Variants in COG5 observed in about 807,000 individuals in gnomAD.
The protein encoded by COG5 is component of oligomeric golgi complex 5.
In COG5, 86 loss-of-function variants were observed where a neutral mutation model predicts 110.4. The ratio of observed to expected loss-of-function variants is 0.78; its 90% CI spans 0.65 to 0.93. The LOEUF (loss-of-function observed/expected upper bound fraction) is 0.93, where lower values mean the gene tolerates loss of function less well. Among genes scored for constraint, COG5 ranks in the 40% least tolerant of loss-of-function variants. The pLI, the probability that COG5 is intolerant of heterozygous loss-of-function variation, is 0.00. For missense variants in COG5, 1,077 were observed against 987.0 expected (o/e 1.09, Z -1.22); for synonymous variants, 360 against 334.6 (o/e 1.08, Z -0.83).
intron 11 of COG5, among the ~76,000 whole-genome samples, chr7:107,300,996 C>A (rs2116932744): frequency 6.6e-6 from 1 of 152,190 alleles, no homozygotes; most frequent in South Asian, 2.1e-4. Flanking sequence ...AATAGACCCA[C>A]ACATATCTGA....
chr7:107,269,909 G>C (rs777095484), intron 14 of COG5, among the ~76,000 whole-genome samples: 1 of 152,172 alleles, frequency 6.6e-6, no homozygotes, highest in African/African-American at 2.4e-5. Flanking sequence ...ACTGGGTCAC[G>C]AGGAATTCTG....
chr7:107,509,681 C>A (rs1271566505), intron 6 of COG5, among the ~76,000 whole-genome samples: 16 of 152,156 alleles, frequency 1.1e-4, no homozygotes, highest in African/African-American at 2.9e-4. Context: ...GGAAGCCCAT[C>A]AGACTAACAG....
intron 10 of COG5, among the ~76,000 whole-genome samples, chr7:107,359,472 G>A (rs1165485491): frequency 6.6e-6 from 1 of 152,112 alleles, no homozygotes; most frequent in Non-Finnish European, 1.5e-5. Context: ...GGTTGATGGT[G>A]GCAGGAGGCA....
chr7:107,474,090 C>A lies in COG5; in HGVS notation c.538+53147G>T. The A allele has an allele frequency of 6.3e-7, 1 of 1,579,048 alleles. No individual in the cohort carries two copies. The highest frequency in any genetic ancestry group is 1.2e-5 in the South Asian group (1 of 86,010). On this transcript the variant is annotated intron_variant, in intron 6 of 21. Coordinates refer to ENST00000297135, the MANE Select transcript of COG5 (RefSeq NM_006348.5). This position sits in a 1 kb window ranked among gnomAD's most constrained non-coding sequence, Gnocchi z 5.7. Reference sequence around the variant, plus strand: ...GTTTTTCTCCCATTCTGGAAATCAACATGCAGTCTGAATCTAACATTACAG... The same window carrying A: ...GTTTTTCTCCCATTCTGGAAATCAAAATGCAGTCTGAATCTAACATTACAG...
intron 6 of COG5, among the ~76,000 whole-genome samples, chr7:107,488,531 TCAATTA>T: frequency 6.6e-6 from 1 of 152,262 alleles, no homozygotes; most frequent in African/African-American, 2.4e-5. Context: ...ATAATAATTA[TCAATTA>T]TTTGGTTTAA....
intron 6 of COG5, among the ~76,000 whole-genome samples, chr7:107,479,253 G>A (rs1797174872): frequency 6.6e-6 from 1 of 152,072 alleles, no homozygotes; most frequent in Admixed American, 6.6e-5. Flanking sequence ...TTGTTCTTTG[G>A]AAGAAAGGTA....
Position 107,201,656 on chromosome 7 carries a change from TC to T in COG5, c.*1859del. On this transcript the variant is annotated 3_prime_UTR_variant, in exon 22 of 22. Transcript: ENST00000297135. ...ATTTTAAACCAAATTGCCTTATTTT[TC>T]TTCCAAACTTCATATATGTCTATCA... 2.4e-6 allele frequency: 1 copy of T among 411,652 alleles called. No individual in the cohort carries two copies. The highest frequency in any genetic ancestry group is 4.4e-6 in the Non-Finnish European group (1 of 229,482). 25.5% of individuals were successfully genotyped at this position (411,652 alleles called of 1,614,324 possible). A position where few individuals can be genotyped will look rare whatever the true frequency, so the allele number is the denominator to read the frequency against.
chr7:107,477,806 A>AT (rs1469416981), intron 6 of COG5, among the ~76,000 whole-genome samples: 1 of 151,910 alleles, frequency 6.6e-6, no homozygotes, highest in Non-Finnish European at 1.5e-5. Context: ...AAGCTTAGAC[A>AT]ACTTTTTGTA....
chr7:107,316,614 C>T (rs1159637351), intron 11 of COG5, among the ~76,000 whole-genome samples: 1 of 143,410 alleles, frequency 7.0e-6, no homozygotes, highest in Non-Finnish European at 1.5e-5. Flanking sequence ...GAGATTGAGA[C>T]CATTCTGGCT....
At chr7:107,320,807 T>C (rs1562967190) in intron 11 of COG5, among the ~76,000 whole-genome samples, 2 of 152,158 alleles carry the variant, frequency 1.3e-5, no homozygotes, top group Non-Finnish European at 1.5e-5. Flanking sequence ...AGAAAGGAGA[T>C]GATAATGCTT....
chr7:107,285,920 T>C (rs1805589811), intron 12 of COG5, among the ~76,000 whole-genome samples: 1 of 150,276 alleles, frequency 6.7e-6, no homozygotes, highest in Admixed American at 6.6e-5. Flanking sequence ...ACAGGAGAGA[T>C]ATACACAAAA....
chr7:107,493,641 T>C (rs992146308), intron 6 of COG5, among the ~76,000 whole-genome samples: 6 of 152,160 alleles, frequency 3.9e-5, no homozygotes, highest in Admixed American at 2.6e-4. Flanking sequence ...TAAAGTCACA[T>C]TGGAAGACAC....
intron 3 of COG5, 108 bp from the exon 4 acceptor site, chr7:107,548,440 G>A: frequency 9.5e-7 from 1 of 1,048,552 alleles, no homozygotes; most frequent in Non-Finnish European, 1.5e-6. Flanking sequence ...AACTTTTTTT[G>A]TCACCATCCT....
intron 12 of COG5, among the ~76,000 whole-genome samples, chr7:107,294,041 C>T (rs1442483930): frequency 6.6e-6 from 1 of 152,076 alleles, no homozygotes; most frequent in Admixed American, 6.6e-5. Flanking sequence ...CACTGCACTC[C>T]AGCCTGGGTG....
At chr7:107,413,807 C>T (rs773086434) in intron 6 of COG5, among the ~76,000 whole-genome samples, 13 of 152,220 alleles carry the variant, frequency 8.5e-5, no homozygotes, top group Non-Finnish European at 1.2e-4. Context: ...TTAAGCTAGA[C>T]GCAAAGTGTG....
In COG5 at chr7:107,249,207, C is replaced by G. The variant is rs143712649; in HGVS notation, c.1750-708G>C. 1.6e-3 allele frequency among the ~76,000 whole-genome samples: 249 copies of G among 152,182 alleles called. 1 individual carries two copies. Among genetic ancestry groups the G allele is most frequent in the African/African-American group, 5.8e-3 (240 of 41,530 alleles). On this transcript the variant is annotated intron_variant, in intron 16 of 21. Transcript: ENST00000297135. Reference sequence around the variant, plus strand: ...TACAGCAGTGATTCTCAACTGTGGGCAGTTTTGTTCCCCAGGAAACATTTG... The same window carrying G: ...TACAGCAGTGATTCTCAACTGTGGGGAGTTTTGTTCCCCAGGAAACATTTG...
intron 14 of COG5, among the ~76,000 whole-genome samples, chr7:107,261,335 TCTCA>T (rs1288594246): frequency 6.6e-6 from 1 of 151,714 alleles, no homozygotes; most frequent in Non-Finnish European, 1.5e-5. Flanking sequence ...TCTCTCTCTC[TCTCA>T]GATACAGGAA....
At chr7:107,433,065 A>G (rs2129081032) in intron 6 of COG5, among the ~76,000 whole-genome samples, 1 of 152,340 alleles carries the variant, frequency 6.6e-6, no homozygotes, top group South Asian at 2.1e-4. Context: ...GAAATTAAGA[A>G]AATAATCCCA....
At chr7:107,342,048 G>A (rs1481504003) in intron 10 of COG5, among the ~76,000 whole-genome samples, 1 of 152,026 alleles carries the variant, frequency 6.6e-6, no homozygotes, top group Non-Finnish European at 1.5e-5. Flanking sequence ...AGGCTTAAGA[G>A]CTGCTTTGTA....
Sources: allele counts gnomAD v4.1 joint callset (sites outside exome capture counted in the v4.1 genomes callset), GRCh38; gene constraint gnomAD v4.1.1; non-coding constraint Gnocchi (gnomAD v3.1); transcripts MANE v1.5; gene names NCBI Gene and HGNC (gene_info 2026-07-23, HGNC 2026-07-21).